BBS9: variants seen among roughly 807,000 people sequenced by gnomAD.
BBS9 encodes protein PTHB1.
A neutral mutation model predicts 117.7 loss-of-function variants in BBS9; 89 were observed. That is an observed-to-expected ratio of 0.76 (90% CI 0.64 to 0.90). The LOEUF (loss-of-function observed/expected upper bound fraction) is 0.90. Among genes scored for constraint, BBS9 ranks in the 40% least tolerant of loss-of-function variants. The pLI, the probability that BBS9 is intolerant of heterozygous loss-of-function variation, is 0.00. For missense variants in BBS9, 982 were observed against 1,042.2 expected (o/e 0.94, Z 0.80); for synonymous variants, 379 against 370.9 (o/e 1.02, Z -0.25).
At chr7:33,470,860 G>A (rs1261154940) in intron 19 of BBS9, among the ~76,000 whole-genome samples, 5 of 152,142 alleles carry the variant, frequency 3.3e-5, no homozygotes, top group African/African-American at 4.8e-5. Flanking sequence ...GGGGTGTCCT[G>A]GGGTTAGAGG....
At chr7:33,310,761 C>G (rs1242132229) in intron 9 of BBS9, among the ~76,000 whole-genome samples, 2 of 152,154 alleles carry the variant, frequency 1.3e-5, no homozygotes, top group Admixed American at 6.5e-5. Flanking sequence ...TGCTAAACAT[C>G]CTGTGATACA....
At chr7:33,367,054 A>G (rs1821911575) in intron 16 of BBS9, among the ~76,000 whole-genome samples, 1 of 152,196 alleles carries the variant, frequency 6.6e-6, no homozygotes, top group Non-Finnish European at 1.5e-5. Context: ...AGTTCACTAC[A>G]GGCTGAAAAA....
At chr7:33,276,054 C>G (rs1800707334) in intron 9 of BBS9, among the ~76,000 whole-genome samples, 1 of 152,118 alleles carries the variant, frequency 6.6e-6, no homozygotes, top group Non-Finnish European at 1.5e-5. Flanking sequence ...GTATTTTCCA[C>G]AATTAATATA....
intron 19 of BBS9, among the ~76,000 whole-genome samples, chr7:33,458,430 A>G (rs1413979978): frequency 6.6e-6 from 1 of 152,190 alleles, no homozygotes. Context: ...ACTTTCATTT[A>G]AATTTCTAGT....
chr7:33,614,796 A>T (rs1445257346), intron 21 of BBS9, among the ~76,000 whole-genome samples: 1 of 152,058 alleles, frequency 6.6e-6, no homozygotes, highest in Non-Finnish European at 1.5e-5. Context: ...GTGAATATTT[A>T]AGGAAAATCC....
At chr7:33,137,744 T>C (rs1301774589) in intron 1 of BBS9, among the ~76,000 whole-genome samples, 1 of 152,226 alleles carries the variant, frequency 6.6e-6, no homozygotes, top group African/African-American at 2.4e-5. Context: ...TTTTCTATTG[T>C]TCATTAATTC....
intron 5 of BBS9, among the ~76,000 whole-genome samples, chr7:33,201,821 G>T (rs578151568): frequency 1.6e-4 from 24 of 152,222 alleles, no homozygotes; most frequent in Admixed American, 6.5e-4. Flanking sequence ...GAAAATATTA[G>T]AGAAAAACTT....
chr7:33,129,316 CAGG>C, upstream of BBS9: 1 of 547,506 alleles, frequency 1.8e-6, no homozygotes, highest in Non-Finnish European at 3.2e-6. Flanking sequence ...GGAGCCCAGG[CAGG>C]AGGAGGGTCT....
Position 33,505,503 on chromosome 7 carries a change from A to G in BBS9, c.2156A>G (p.Asn719Ser), listed in dbSNP as rs1399541960. The change falls in exon 20 of 23, where the codon AAT (asparagine) becomes AGT (serine). Residue 719 changes from asparagine to serine, a missense_variant. By Grantham distance (46) the Asn-to-Ser change is conservative. Transcript: ENST00000242067. ...GATGCAGTGGAGGAAAACCAAGGCA[A>G]TCTGTTCCAGTCATTCACCAGGCTG... The part of the protein sequence containing the change: ...LADAVEENQG[N>S]LFQSFTRLKS... 1.2e-6 allele frequency: 2 copies of G among 1,614,056 alleles called. No homozygotes were observed. Among genetic ancestry groups the G allele is most frequent in the South Asian group, 1.1e-5 (1 of 91,094 alleles).
chr7:33,133,452 C>G (rs1175606024), intron 1 of BBS9, among the ~76,000 whole-genome samples: 1 of 152,162 alleles, frequency 6.6e-6, no homozygotes, highest in African/African-American at 2.4e-5. Flanking sequence ...AACTAAGAAT[C>G]TACTTTCTGT....
intron 5 of BBS9, among the ~76,000 whole-genome samples, chr7:33,235,816 C>T (rs933144625): frequency 6.6e-6 from 1 of 152,064 alleles, no homozygotes; most frequent in African/African-American, 2.4e-5. Context: ...ATCACCTTTA[C>T]CAGAAATGCT....
At chr7:33,361,138 T>G (rs1168368597) in intron 16 of BBS9, among the ~76,000 whole-genome samples, 1 of 152,178 alleles carries the variant, frequency 6.6e-6, no homozygotes, top group Non-Finnish European at 1.5e-5. Flanking sequence ...TTTTGTCACA[T>G]GGCTTCCTTT....
chr7:33,367,737 C>T (rs781581521), intron 16 of BBS9, 30 bp from the exon 17 acceptor site: 28 of 1,599,776 alleles, frequency 1.8e-5, no homozygotes, highest in Middle Eastern at 3.3e-4. Context: ...CTTCTGGTTA[C>T]ATAAGGTGAT....
chr7:33,277,369 T>C (rs1014182467), intron 9 of BBS9, among the ~76,000 whole-genome samples: 1 of 152,166 alleles, frequency 6.6e-6, no homozygotes. Flanking sequence ...TAATGCCCAA[T>C]AGCTGAGTAG....
intron 11 of BBS9, among the ~76,000 whole-genome samples, chr7:33,342,764 T>C (rs1009604373): frequency 2.0e-5 from 3 of 152,190 alleles, no homozygotes; most frequent in Non-Finnish European, 2.9e-5. Context: ...AAAGGACTGC[T>C]GTCCTTGAAG....
chr7:33,267,460 A>T (rs1799020267), intron 7 of BBS9, among the ~76,000 whole-genome samples: 2 of 83,832 alleles, frequency 2.4e-5, no homozygotes, highest in South Asian at 4.1e-4. Flanking sequence ...TTTTCTTTGG[A>T]TTTATCCAGT....
At chr7:33,183,945 C>T (rs1798438710) in intron 5 of BBS9, among the ~76,000 whole-genome samples, 1 of 152,114 alleles carries the variant, frequency 6.6e-6, no homozygotes, top group Admixed American at 6.5e-5. Context: ...TAAGGTACTC[C>T]TCTTTATGAC....
intron 19 of BBS9, among the ~76,000 whole-genome samples, chr7:33,405,028 G>A (rs932575672): frequency 1.6e-4 from 24 of 152,058 alleles, no homozygotes; most frequent in East Asian, 1.9e-4. Flanking sequence ...CATCAATACC[G>A]AACTTATTGA....
intron 5 of BBS9, among the ~76,000 whole-genome samples, chr7:33,188,122 G>A (rs781072778): frequency 2.5e-5 from 3 of 117,684 alleles, no homozygotes; most frequent in African/African-American, 9.4e-5. Context: ...GGCGGGTGGG[G>A]GTGGGGTAGG....
Sources: gnomAD v4.1 joint callset for allele counts (sites outside exome capture counted in the v4.1 genomes callset) on GRCh38, gnomAD v4.1.1 for gene constraint, MANE v1.5 for transcripts, NCBI Gene and HGNC (gene_info 2026-07-23, HGNC 2026-07-21) for gene names.